Variants in ANO3 observed in about 807,000 individuals in gnomAD.
ANO3 encodes anoctamin 3, also known as anoctamin-3.
ANO3 carries 99 observed loss-of-function variants against 144.8 expected under a neutral mutation model. The ratio of observed to expected loss-of-function variants is 0.68; its 90% CI spans 0.58 to 0.81. The LOEUF (loss-of-function observed/expected upper bound fraction) is 0.81. ANO3 is among the 30% of genes least tolerant of loss of function. The pLI, the probability that ANO3 is intolerant of heterozygous loss-of-function variation, is 0.00. For synonymous variants in ANO3, 414 were observed against 392.6 expected (o/e 1.05, Z -0.64); for missense variants, 905 against 1,202.2 (o/e 0.75, Z 3.66).
chr11:26,246,396 T>C (rs1387982385), intron 1 of ANO3, among the ~76,000 whole-genome samples: 1 of 150,940 alleles, frequency 6.6e-6, no homozygotes, highest in East Asian at 1.9e-4. Context: ...TAATAGACTG[T>C]GTCATATTTT....
intron 1 of ANO3, among the ~76,000 whole-genome samples, chr11:26,191,084 C>G (rs1296178241): frequency 6.6e-6 from 1 of 152,086 alleles, no homozygotes; most frequent in African/African-American, 2.4e-5. Context: ...CTAGACCAGC[C>G]TGACAAACAT....
chr11:26,513,951 C>G (rs1258831656), intron 5 of ANO3, among the ~76,000 whole-genome samples: 1 of 151,990 alleles, frequency 6.6e-6, no homozygotes, highest in Non-Finnish European at 1.5e-5. Context: ...CAGTTTCTCT[C>G]TCCTTGAATA....
intron 3 of ANO3, among the ~76,000 whole-genome samples, chr11:26,448,368 C>A (rs1858788016): frequency 1.3e-5 from 2 of 151,810 alleles, no homozygotes; most frequent in Non-Finnish European, 2.9e-5. Context: ...TCCAACCAAC[C>A]CAAACACACA....
chr11:26,496,539 G>C (rs7937933), intron 4 of ANO3, among the ~76,000 whole-genome samples: 25,144 of 152,016 alleles, frequency 0.17, 2,244 homozygotes, highest in South Asian at 0.29. Flanking sequence ...GTGTTGGTTT[G>C]TTTGTTTTTA....
chr11:26,454,665 C>T (rs1453379576), intron 3 of ANO3, among the ~76,000 whole-genome samples: 1 of 151,712 alleles, frequency 6.6e-6, no homozygotes, highest in African/African-American at 2.4e-5. Context: ...GGAACTGGTA[C>T]CATTCCTTCT....
At chr11:26,295,419 G>A (rs1288127859) in intron 1 of ANO3, among the ~76,000 whole-genome samples, 2 of 150,338 alleles carry the variant, frequency 1.3e-5, no homozygotes, top group East Asian at 4.0e-4. Flanking sequence ...CAGCTACTCC[G>A]GAGGCTGAGG....
At chr11:26,538,151 T>C (rs1304738647) in intron 10 of ANO3, among the ~76,000 whole-genome samples, 1 of 152,214 alleles carries the variant, frequency 6.6e-6, no homozygotes, top group Non-Finnish European at 1.5e-5. Context: ...AGATAAAATG[T>C]ATTGAGTACT....
chr11:26,409,454 A>G (rs1169115657), intron 1 of ANO3, among the ~76,000 whole-genome samples: 1 of 10,970 alleles, frequency 9.1e-5, no homozygotes, highest in Non-Finnish European at 3.7e-4. Context: ...AAGAATGCAC[A>G]TGAAATTGTT....
intron 1 of ANO3, among the ~76,000 whole-genome samples, chr11:26,342,402 G>C (rs1392035790): frequency 1.3e-5 from 2 of 152,106 alleles, no homozygotes; most frequent in African/African-American, 4.8e-5. Flanking sequence ...CCTTCTGAAG[G>C]GGCTAAAGAG....
intron 1 of ANO3, among the ~76,000 whole-genome samples, chr11:26,362,531 G>C (rs10734374): frequency 0.93 from 141,870 of 152,168 alleles, 66,301 homozygotes; most frequent in East Asian, 1. Flanking sequence ...TTGAATCATG[G>C]TGGCTAGGGC....
chr11:26,463,219 C>A, intron 4 of ANO3, 71 bp downstream of exon 4: 1 of 778,806 alleles, frequency 1.3e-6, no homozygotes, highest in Non-Finnish European at 2.0e-6. Flanking sequence ...TATTCATCTA[C>A]ATATTTGGTT....
intron 1 of ANO3, among the ~76,000 whole-genome samples, chr11:26,350,136 T>A (rs1051561725): frequency 6.6e-6 from 1 of 151,962 alleles, no homozygotes; most frequent in Non-Finnish European, 1.5e-5. Flanking sequence ...CAACCCAAAT[T>A]TTAGAAGCCA....
chr11:26,422,477 A>T (rs1316878061), intron 1 of ANO3, among the ~76,000 whole-genome samples: 1 of 152,054 alleles, frequency 6.6e-6, no homozygotes, highest in Non-Finnish European at 1.5e-5. Flanking sequence ...ATCTCATGAG[A>T]TACTTCTAAA....
chr11:26,410,191 G>A (rs1038778935), intron 1 of ANO3, among the ~76,000 whole-genome samples: 2 of 151,894 alleles, frequency 1.3e-5, no homozygotes, highest in Admixed American at 6.6e-5. Flanking sequence ...TCCAAGTATC[G>A]TAGTGGCTTC....
intron 1 of ANO3, among the ~76,000 whole-genome samples, chr11:26,341,785 C>T (rs1248422486): frequency 6.6e-6 from 1 of 152,100 alleles, no homozygotes; most frequent in Non-Finnish European, 1.5e-5. Context: ...CCCGGGAATC[C>T]CTGGCAAACC....
At chr11:26,374,160 G>T (rs1395821087) in intron 1 of ANO3, among the ~76,000 whole-genome samples, 1 of 152,164 alleles carries the variant, frequency 6.6e-6, no homozygotes, top group Non-Finnish European at 1.5e-5. Flanking sequence ...AGCATATATG[G>T]TAGACTGTCT....
At chr11:26,528,146 T>G (rs1262213703) in intron 7 of ANO3, among the ~76,000 whole-genome samples, 1 of 152,172 alleles carries the variant, frequency 6.6e-6, no homozygotes, top group African/African-American at 2.4e-5. Flanking sequence ...GGTGGCATGG[T>G]GATGGTACTT....
At chr11:26,194,816 T>C (rs1851552738) in intron 1 of ANO3, among the ~76,000 whole-genome samples, 1 of 152,156 alleles carries the variant, frequency 6.6e-6, no homozygotes, top group Non-Finnish European at 1.5e-5. Context: ...TCCACTAGCC[T>C]TGGCCTTGCA....
At chr11:26,321,768 T>G (rs1327458019) in intron 1 of ANO3, among the ~76,000 whole-genome samples, 1 of 152,084 alleles carries the variant, frequency 6.6e-6, no homozygotes. Context: ...TTTATTAGTT[T>G]CACTTGCAGT....
Sources: gnomAD v4.1 joint callset for allele counts (sites outside exome capture counted in the v4.1 genomes callset) on GRCh38, gnomAD v4.1.1 for gene constraint, MANE v1.5 for transcripts, NCBI Gene and HGNC (gene_info 2026-07-23, HGNC 2026-07-21) for gene names.